Variants in GABRB3 observed in about 807,000 individuals in gnomAD.
GABRB3 encodes the protein gamma-aminobutyric acid receptor subunit beta-3.
GABRB3 carries 14 observed loss-of-function variants against 52.1 expected under a neutral mutation model. The observed-to-expected ratio is 0.27, with a 90% CI of 0.18 to 0.42. The LOEUF (loss-of-function observed/expected upper bound fraction) is 0.42, where lower values mean the gene tolerates loss of function less well. Among genes scored for constraint, GABRB3 ranks in the 10% least tolerant of loss-of-function variants. The pLI is 1.00. For synonymous variants in GABRB3, 260 were observed against 232.3 expected (o/e 1.12, Z -1.08); for missense variants, 307 against 609.1 (o/e 0.50, Z 5.22).
In GABRB3 at chr15:26,561,131, C is replaced by T. The variant is rs1085308023; in HGVS notation, c.881G>A (p.Arg294Gln). 1.9e-6 allele frequency: 3 copies of T among 1,614,014 alleles called. No homozygotes were observed. Among genetic ancestry groups the T allele is most frequent in the Non-Finnish European group, 2.5e-6 (3 of 1,180,042 alleles). ...LTMTTINTHL[R>Q]ETLPKIPYVK... ...ATAGGGGATTTTGGGCAAGGTCTCC[C>T]GAAGGTGGGTGTTGATGGTTGTCAT... Residue 294 changes from arginine (R) to glutamine (Q), a missense_variant, in exon 8 of 9, where the codon CGG becomes CAG. By Grantham distance (43) the Arg-to-Gln change is conservative. Around this residue, in one of 6 missense-constraint regions of GABRB3, gnomAD observed 32 missense variants for 147.8 expected, o/e 0.22. Transcript: ENST00000311550.
At chr15:26,712,682 T>C (rs1889336667) in intron 3 of GABRB3, among the ~76,000 whole-genome samples, 1 of 152,036 alleles carries the variant, frequency 6.6e-6, no homozygotes, top group South Asian at 2.1e-4. Flanking sequence ...CATGTCAGTG[T>C]TGCTGCAGTG....
At chr15:26,608,769 A>C (rs1272302853) in intron 4 of GABRB3, among the ~76,000 whole-genome samples, 1 of 152,208 alleles carries the variant, frequency 6.6e-6, no homozygotes, top group Non-Finnish European at 1.5e-5. Flanking sequence ...AATACCTGTC[A>C]GAATGACTAG....
intron 3 of GABRB3, among the ~76,000 whole-genome samples, chr15:26,645,039 T>C (rs1031896007): frequency 6.6e-6 from 1 of 152,172 alleles, no homozygotes; most frequent in Non-Finnish European, 1.5e-5. Context: ...CTTGAGGCAA[T>C]TGAGACCAGC....
intron 3 of GABRB3, among the ~76,000 whole-genome samples, chr15:26,768,175 T>G (rs1173272719): frequency 1.3e-5 from 2 of 152,150 alleles, no homozygotes; most frequent in Non-Finnish European, 2.9e-5. Flanking sequence ...CAATAATTTA[T>G]TATTTATACA....
intron 4 of GABRB3, chr15:26,613,602 T>C (rs1892154118): frequency 6.6e-6 from 1 of 152,148 alleles, no homozygotes. Flanking sequence ...GCCATACTTT[T>C]TTTTTTCCAT....
At chr15:26,670,727 A>T (rs955896846) in intron 3 of GABRB3, among the ~76,000 whole-genome samples, 1 of 152,192 alleles carries the variant, frequency 6.6e-6, no homozygotes, top group Admixed American at 6.5e-5. Flanking sequence ...ATTTGATGAG[A>T]TTCATATATG....
intron 3 of GABRB3, among the ~76,000 whole-genome samples, chr15:26,770,900 T>C (rs1891126263): frequency 6.6e-6 from 1 of 152,228 alleles, no homozygotes; most frequent in Non-Finnish European, 1.5e-5. Context: ...AAAATAGACA[T>C]GTTAATTTTT....
At chr15:26,626,578 AATG>A (rs1892704063) in intron 3 of GABRB3, among the ~76,000 whole-genome samples, 2 of 152,228 alleles carry the variant, frequency 1.3e-5, no homozygotes, top group Non-Finnish European at 2.9e-5. Context: ...TACTCTGGGG[AATG>A]ATAAGAAAGT....
chr15:26,622,433 T>G (rs1379346937), intron 3 of GABRB3, among the ~76,000 whole-genome samples: 3 of 152,198 alleles, frequency 2.0e-5, no homozygotes, highest in African/African-American at 7.2e-5. Flanking sequence ...TCTAGTGATA[T>G]TCACAGGACA....
intron 3 of GABRB3, among the ~76,000 whole-genome samples, chr15:26,734,378 C>G (rs2140153874): frequency 6.6e-6 from 1 of 152,090 alleles, no homozygotes; most frequent in East Asian, 1.9e-4. Flanking sequence ...ATCTTCACAA[C>G]ATTGTATTTA....
chr15:26,757,601 T>G (rs77608984), intron 3 of GABRB3, among the ~76,000 whole-genome samples: 4,384 of 152,222 alleles, frequency 0.029, 221 homozygotes, highest in African/African-American at 0.1. Flanking sequence ...TCTTAAAGCT[T>G]AAGTATTTAG....
chr15:26,561,157 T>G lies in GABRB3; in HGVS notation c.855A>C (p.Thr285=). ...RVALGITTVL[T]MTTINTHLRE... ...GAAGGTGGGTGTTGATGGTTGTCAT[T>G]GTCAGCACAGTTGTGATCCCTAGAA... The change falls in exon 8 of 9, where the codon ACA becomes ACC. Residue 285 remains threonine (T), a synonymous_variant. Coordinates refer to ENST00000311550, the MANE Select transcript of GABRB3 (RefSeq NM_000814.6). 1 of 1,614,146 alleles carries G rather than the reference T, an allele frequency of 6.2e-7. No homozygotes were observed. Among genetic ancestry groups the G allele is most frequent in the African/African-American group, 1.3e-5 (1 of 75,062 alleles).
chr15:26,616,493 T>C (rs1892261691), intron 4 of GABRB3, among the ~76,000 whole-genome samples: 1 of 152,082 alleles, frequency 6.6e-6, no homozygotes, highest in South Asian at 2.1e-4. Flanking sequence ...AGTCTGCACT[T>C]TGGAGGTTTT....
At chr15:26,569,581 T>G (rs1379099951) in intron 6 of GABRB3, among the ~76,000 whole-genome samples, 1 of 152,246 alleles carries the variant, frequency 6.6e-6, no homozygotes, top group Non-Finnish European at 1.5e-5. Flanking sequence ...TAAATAGTAC[T>G]CTTAAGGATA....
chr15:26,594,514 AGAGAT>A (rs1432376124), intron 4 of GABRB3, among the ~76,000 whole-genome samples: 1 of 152,174 alleles, frequency 6.6e-6, no homozygotes, highest in African/African-American at 2.4e-5. Context: ...TGTATTTGTC[AGAGAT>A]GCAATCCCAC....
chr15:26,597,589 C>T, intron 4 of GABRB3, among the ~76,000 whole-genome samples: 1 of 152,156 alleles, frequency 6.6e-6, no homozygotes, highest in East Asian at 1.9e-4. Flanking sequence ...TACAATAGAG[C>T]TGCCTAGATG....
chr15:26,687,521 T>A (rs1282658857), intron 3 of GABRB3, among the ~76,000 whole-genome samples: 2 of 152,008 alleles, frequency 1.3e-5, no homozygotes, highest in Admixed American at 6.6e-5. Flanking sequence ...ACCTCTCCCA[T>A]CCCCTCCCTT....
At chr15:26,739,459 C>A (rs1225549995) in intron 3 of GABRB3, among the ~76,000 whole-genome samples, 2 of 152,004 alleles carry the variant, frequency 1.3e-5, no homozygotes, top group East Asian at 3.9e-4. Flanking sequence ...AAACAGAAAT[C>A]TATGAAGGGA....
chr15:26,746,485 G>A (rs187516909), intron 3 of GABRB3, among the ~76,000 whole-genome samples: 4 of 151,516 alleles, frequency 2.6e-5, no homozygotes, highest in Non-Finnish European at 5.9e-5. Flanking sequence ...CATGCTTTTG[G>A]TGTTAAATTT....
Sources: gnomAD v4.1 joint callset for allele counts (sites outside exome capture counted in the v4.1 genomes callset) on GRCh38, gnomAD v4.1.1 for gene constraint, gnomAD v4.1.1 regional missense constraint, MANE v1.5 for transcripts, NCBI Gene and HGNC (gene_info 2026-07-23, HGNC 2026-07-21) for gene names.